TGM3: variants seen among roughly 807,000 people sequenced by gnomAD.
TGM3 encodes the protein transglutaminase 3, also known as protein-glutamine gamma-glutamyltransferase E.
A neutral mutation model predicts 73.8 loss-of-function variants in TGM3; 52 were observed. The observed-to-expected ratio is 0.70, with a 90% CI of 0.56 to 0.89. TGM3 has a LOEUF of 0.89. Among genes scored for constraint, TGM3 ranks in the 40% least tolerant of loss-of-function variants. The pLI, the probability that TGM3 is intolerant of heterozygous loss-of-function variation, is 0.00. For synonymous variants in TGM3, 372 were observed against 354.9 expected, an observed-to-expected ratio of 1.05 and a Z score of -0.54; for missense variants, 928 against 909.9, an observed-to-expected ratio of 1.02 and a Z score of -0.26.
rs567177960 is a variant in TGM3, at chr20:2,332,964, A to C, written c.1642+654A>C. On this transcript the variant is annotated intron_variant, in intron 10 of 12. Coordinates refer to ENST00000381458, the MANE Select transcript of TGM3 (RefSeq NM_003245.4). This position sits in a 1 kb window ranked among gnomAD's most constrained non-coding sequence, Gnocchi z 4.4. ...CCTGACAACAGTGACAGGTTTTCTT[A>C]GAAGTCTGAGCGTTTGGGAGGAACA... Among the ~76,000 whole-genome samples, 49 of 152,296 alleles carry C rather than the reference A, an allele frequency of 3.2e-4. No homozygotes were observed. The highest frequency in any genetic ancestry group is 2.6e-3 in the Admixed American group (40 of 15,290).
In TGM3 at chr20:2,332,318, A is replaced by T; in HGVS notation, c.1642+8A>T. The T allele has an allele frequency of 6.4e-7, 1 of 1,571,690 alleles. No homozygotes were observed. On this transcript the variant is annotated splice_region_variant and intron_variant, in intron 10 of 12. Coordinates refer to ENST00000381458, the MANE Select transcript of TGM3 (RefSeq NM_003245.4). The surrounding 1 kb of genome is among the most constrained non-coding windows in gnomAD (Gnocchi z 4.4). ...CCCTGGACCCTGAGGAAGGTAACGC[A>T]TCCCGCAGTTGGAGGAGATCCACGA...
chr20:2,309,875 G>A, intron 2 of TGM3, 45 bp downstream of exon 2: 1 of 1,609,884 alleles, frequency 6.2e-7, no homozygotes, highest in African/African-American at 1.3e-5. Flanking sequence ...ACATACTTGA[G>A]TAGCCCTTGT....
rs1163131779 is a variant in TGM3, at chr20:2,310,557, A to T, written c.421+140A>T. The T allele has an allele frequency of 3.6e-6, 5 of 1,372,490 alleles. No individual in the cohort carries two copies. In the Admixed American group the frequency reaches 1.2e-4, roughly 32 times the overall value. 85.0% of individuals were successfully genotyped at this position (1,372,490 alleles called of 1,614,324 possible). A position where few individuals can be genotyped will look rare whatever the true frequency, so the allele number is the denominator to read the frequency against. ...GGAAAGGGCGCAGAAGCTAGAAATG[A>T]GGAGCTCTGACACTTAAGCAGCTGT... is the stretch of plus-strand genomic sequence containing the variant. On this transcript the variant is annotated intron_variant, in intron 3 of 12. Transcript: ENST00000381458.
At chr20:2,339,734 C>G (rs1044779614) in intron 11 of TGM3, 120 bp from the exon 12 acceptor site, 1 of 1,392,886 alleles carries the variant, frequency 7.2e-7, no homozygotes, top group South Asian at 1.3e-5. Context: ...AAATGGTCTC[C>G]CCTTCTTCAT....
rs367606978 is a variant in TGM3, at chr20:2,339,959, G to C, written c.1906G>C (p.Gly636Arg). The C allele has an allele frequency of 6.2e-7, 1 of 1,611,968 alleles. No individual in the cohort carries two copies. The highest frequency in any genetic ancestry group is 8.5e-7 in the Non-Finnish European group (1 of 1,179,216). The change falls in exon 12 of 13, where the codon GGC becomes CGC. Residue 636 changes from glycine (G) to arginine (R), a missense_variant. Gly to Arg is a moderately radical substitution (Grantham distance 125). Coordinates refer to ENST00000381458, the MANE Select transcript of TGM3 (RefSeq NM_003245.4). ...RDCVLMVEGSGLLLGNLKIDV... is the reference protein window; with the variant it reads ...RDCVLMVEGSRLLLGNLKIDV... ...CTGCGTGCTGATGGTGGAGGGAAGCGGCCTGCTGTTGGGTAACCTGAAGAT... is the reference window on the plus strand; with the variant it reads ...CTGCGTGCTGATGGTGGAGGGAAGCCGCCTGCTGTTGGGTAACCTGAAGAT...
intron 9 of TGM3, among the ~76,000 whole-genome samples, chr20:2,331,193 C>A (rs2084319195): frequency 6.6e-6 from 1 of 152,032 alleles, no homozygotes. Flanking sequence ...TCTCCTAGAT[C>A]TATCTTCAGG....
intron 1 of TGM3, among the ~76,000 whole-genome samples, chr20:2,300,562 G>A (rs1283218865): frequency 6.6e-6 from 1 of 152,186 alleles, no homozygotes; most frequent in Non-Finnish European, 1.5e-5. Flanking sequence ...GCGGCAGCTT[G>A]GGGTCATATC....
In TGM3 at chr20:2,340,837, G is replaced by A. The variant is rs1468847980; in HGVS notation, c.*256G>A. ...CTCCCCAGAGCTGCCTGCTCTGTGAGCCCCACAGCCCTGCTCATTCCTCAC... is the reference window on the plus strand; with the variant it reads ...CTCCCCAGAGCTGCCTGCTCTGTGAACCCCACAGCCCTGCTCATTCCTCAC... On this transcript the variant is annotated 3_prime_UTR_variant, in exon 13 of 13. Coordinates refer to ENST00000381458, the MANE Select transcript of TGM3 (RefSeq NM_003245.4). 9.7e-6 allele frequency: 6 copies of A among 615,702 alleles called. No homozygotes were observed. Among genetic ancestry groups the A allele is most frequent in the Non-Finnish European group, 1.8e-5 (6 of 330,568 alleles). 38.1% of individuals were successfully genotyped at this position (615,702 alleles called of 1,614,324 possible).
intron 1 of TGM3, among the ~76,000 whole-genome samples, chr20:2,306,984 T>C (rs2084179525): frequency 6.6e-6 from 1 of 152,174 alleles, no homozygotes; most frequent in Non-Finnish European, 1.5e-5. Context: ...CTGTTGGTTA[T>C]TCAGGTACAG....
At chr20:2,305,426 C>T (rs1400076866) in intron 1 of TGM3, among the ~76,000 whole-genome samples, 1 of 152,210 alleles carries the variant, frequency 6.6e-6, no homozygotes, top group East Asian at 1.9e-4. Context: ...TCTCATTATG[C>T]CACACCTGGG....
rs560601570 is a variant in TGM3, at chr20:2,330,314, T to C, written c.1334-1688T>C. Among the ~76,000 whole-genome samples, 9 of 152,320 alleles carry C rather than the reference T, an allele frequency of 5.9e-5. No individual in the cohort carries two copies. The South Asian group carries it at 1.9e-3, about 32-fold the overall frequency. ...ATAGGCATCAAGGCTCCAAGCCTCA[T>C]TGTGCAAACACACCTGCTTCAAGGT... On this transcript the variant is annotated intron_variant, in intron 9 of 12. Coordinates refer to ENST00000381458, the MANE Select transcript of TGM3 (RefSeq NM_003245.4).
In TGM3 at chr20:2,328,011, G is replaced by A. The variant is rs769508385; in HGVS notation, c.1088-109G>A. ...ACACAGTCAGGGGTGAAGGAATTTGGGCGGGGCAGAGGCAGGGGGTTGCAG... is the reference window on the plus strand; with the variant it reads ...ACACAGTCAGGGGTGAAGGAATTTGAGCGGGGCAGAGGCAGGGGGTTGCAG... On this transcript the variant is annotated intron_variant, in intron 8 of 12. Transcript: ENST00000381458. This position sits in a 1 kb window ranked among gnomAD's most constrained non-coding sequence, Gnocchi z 5.2. The A allele has an allele frequency of 1.3e-6, 2 of 1,497,868 alleles. No homozygotes were observed. The highest frequency in any genetic ancestry group is 1.8e-6 in the Non-Finnish European group (2 of 1,096,986). The allele number at this position is 1,497,868 out of a possible 1,614,324, so 92.8% of individuals were successfully genotyped here.
intron 7 of TGM3, among the ~76,000 whole-genome samples, chr20:2,318,659 A>G (rs895016064): frequency 6.6e-6 from 1 of 152,206 alleles, no homozygotes; most frequent in Non-Finnish European, 1.5e-5. Flanking sequence ...CTACACACAC[A>G]CATAATTGCT....
Position 2,311,040 on chromosome 20 carries a change from GAGAGAGA to G in TGM3, c.456_462del (p.Arg152SerfsTer20). The stretch of plus-strand genomic sequence containing the variant: ...TAGCGTCTTTATGGGTAACCACGCT[GAGAGAGA>G]AGAGTATGTTCAGGAAGATGCCGGC... On this transcript the variant is annotated frameshift_variant, in exon 4 of 13. Transcript: ENST00000381458. LOFTEE classifies it high-confidence loss of function. 1 of 1,614,154 alleles carries G rather than the reference GAGAGAGA, an allele frequency of 6.2e-7. No individual in the cohort carries two copies. The highest frequency in any genetic ancestry group is 8.5e-7 in the Non-Finnish European group (1 of 1,179,982).
At position 2,328,122 on chromosome 20, in the gene TGM3, G is replaced by A; in HGVS notation, c.1090G>A (p.Val364Met). 1 of 1,614,166 alleles carries A rather than the reference G, an allele frequency of 6.2e-7. No individual in the cohort carries two copies. Among genetic ancestry groups the A allele is most frequent in the South Asian group, 1.1e-5 (1 of 91,080 alleles). Residue 364 changes from valine (V) to methionine (M), a missense_variant and splice_region_variant, in exon 9 of 13, where the codon GTG (valine) becomes ATG (methionine). Transcript: ENST00000381458. This position sits in a 1 kb window ranked among gnomAD's most constrained non-coding sequence, Gnocchi z 5.2. ...DATPQERSQG[V>M]FQCGPASVIG... Reference sequence around the variant, plus strand: ...AGCCTCTGCATCTTGGCCTCCAGGGGTGTTCCAGTGCGGCCCCGCTTCGGT... The same window carrying A: ...AGCCTCTGCATCTTGGCCTCCAGGGATGTTCCAGTGCGGCCCCGCTTCGGT...
chr20:2,310,157 A>G, intron 2 of TGM3, 21 bp from the exon 3 acceptor site: 1 of 1,613,354 alleles, frequency 6.2e-7, no homozygotes. Flanking sequence ...TGGTTTTCTC[A>G]ACCTCTGTCT....
Position 2,308,005 on chromosome 20 carries a change from T to C in TGM3, c.8-1652T>C, listed in dbSNP as rs2084184287. 3.9e-5 allele frequency among the ~76,000 whole-genome samples: 6 copies of C among 152,258 alleles called. No homozygotes were observed. In the South Asian group the frequency reaches 1.2e-3, roughly 32 times the overall value. On this transcript the variant is annotated intron_variant, in intron 1 of 12. Transcript: ENST00000381458. ...GGGATGCCAAGACGTGCAGATCACTTGAGCCCAGGAGTTTGAGACAAGCTT... is the reference window on the plus strand; with the variant it reads ...GGGATGCCAAGACGTGCAGATCACTCGAGCCCAGGAGTTTGAGACAAGCTT...
At position 2,309,747 on chromosome 20, in the gene TGM3, G is replaced by A. The variant is rs747388945; in HGVS notation, c.98G>A (p.Arg33Gln). 36 of 1,614,062 alleles carry A rather than the reference G, an allele frequency of 2.2e-5. No homozygotes were observed. Among genetic ancestry groups the A allele is most frequent in the Non-Finnish European group, 2.6e-5 (31 of 1,180,028 alleles). Reference protein sequence around the residue: ...DKFSSQELILRRGQNFQVLMI... With the variant: ...DKFSSQELILQRGQNFQVLMI... Reference sequence around the variant, plus strand: ...TTCTCCAGCCAGGAGCTCATCTTGCGGAGAGGCCAAAACTTCCAGGTCTTA... The same window carrying A: ...TTCTCCAGCCAGGAGCTCATCTTGCAGAGAGGCCAAAACTTCCAGGTCTTA... The change falls in exon 2 of 13, where the codon CGG (arginine) becomes CAG (glutamine). Residue 33 changes from arginine (R) to glutamine (Q), a missense_variant. Arg to Gln is a conservative substitution (Grantham distance 43). Transcript: ENST00000381458.
In TGM3 at chr20:2,340,434, C is replaced by A. The variant is rs750072448; in HGVS notation, c.1935C>A (p.Asp645Glu). 6.2e-7 allele frequency: 1 copy of A among 1,613,884 alleles called. No homozygotes were observed. Among genetic ancestry groups the A allele is most frequent in the Admixed American group, 1.7e-5 (1 of 59,998 alleles). ...SGLLLGNLKIDVPTLGPKEGS... is the reference protein window; with the variant it reads ...SGLLLGNLKIEVPTLGPKEGS... ...CACTGATCTGTGCCCTCCCCATCAG[C>A]GTGCCGACCCTAGGGCCCAAGGAGG... Residue 645 changes from aspartate to glutamate, a missense_variant and splice_region_variant, in exon 13 of 13, where the codon GAC becomes GAA. Physicochemically the swap from Asp to Glu is conservative, Grantham distance 45. Transcript: ENST00000381458.
Sources: allele counts gnomAD v4.1 joint callset (sites outside exome capture counted in the v4.1 genomes callset), GRCh38; gene constraint gnomAD v4.1.1; non-coding constraint Gnocchi (gnomAD v3.1); transcripts MANE v1.5; gene names NCBI Gene and HGNC (gene_info 2026-07-23, HGNC 2026-07-21).